Variants in DNAH11 observed in about 807,000 individuals in gnomAD.
DNAH11 encodes the protein dynein axonemal heavy chain 11.
A neutral mutation model predicts 526.0 loss-of-function variants in DNAH11; 442 were observed. The observed-to-expected ratio is 0.84, with a 90% CI of 0.78 to 0.91. The LOEUF (loss-of-function observed/expected upper bound fraction) is 0.91. DNAH11 is among the 40% of genes least tolerant of loss of function. DNAH11 has a pLI of 0.00. For missense variants in DNAH11, 6,989 were observed against 5,448.7 expected (o/e 1.28, Z -8.90); for synonymous variants, 2,461 against 1,935.9 (o/e 1.27, Z -7.12).
chr7:21,869,743 A>T (rs923607956), intron 73 of DNAH11, among the ~76,000 whole-genome samples: 1 of 152,192 alleles, frequency 6.6e-6, no homozygotes, highest in African/African-American at 2.4e-5. Flanking sequence ...CTCTGCCCCT[A>T]CCTAGTGTGT....
At chr7:21,594,885 A>G (rs1784810975) in intron 14 of DNAH11, among the ~76,000 whole-genome samples, 1 of 152,108 alleles carries the variant, frequency 6.6e-6, no homozygotes, top group Admixed American at 6.5e-5. Flanking sequence ...TATGTGAAAG[A>G]CACTGCAGAA....
rs761814074 is a variant in DNAH11, at chr7:21,600,894, C to T, written c.3219C>T (p.Pro1073=). ...EMDAHANEEI[P]EQPPTLEQFK... is the part of the protein sequence containing the mutation. ...ATGCTCATGCAAATGAAGAAATTCCCGAACAACCACCAACTCTTGAGCAAT... is the reference window on the plus strand; with the variant it reads ...ATGCTCATGCAAATGAAGAAATTCCTGAACAACCACCAACTCTTGAGCAAT... The change falls in exon 16 of 82, where the codon CCC becomes CCT. Residue 1073 remains proline (P), a synonymous_variant. Transcript: ENST00000409508. 11 of 1,613,708 alleles carry T rather than the reference C, an allele frequency of 6.8e-6. No individual in the cohort carries two copies. Among genetic ancestry groups the T allele is most frequent in the South Asian group, 3.3e-5 (3 of 91,056 alleles).
chr7:21,717,915 G>A lies in DNAH11; in HGVS notation c.7124G>A (p.Ser2375Asn), dbSNP rs1784726076. 1 of 1,612,592 alleles carries A rather than the reference G, an allele frequency of 6.2e-7. No individual in the cohort carries two copies. The highest frequency in any genetic ancestry group is 8.5e-7 in the Non-Finnish European group (1 of 1,178,982). The change falls in exon 43 of 82, where the codon AGC (serine) becomes AAC (asparagine). Residue 2375 changes from serine to asparagine, a missense_variant. Coordinates refer to ENST00000409508, the MANE Select transcript of DNAH11 (RefSeq NM_001277115.2). ...FKTITSIPES[S>N]LVQTLCVLLE... ...ACCATCACTTCAATTCCTGAGAGTA[G>A]CCTGGTGCAGGTTTGTCTTCGGTTA...
At chr7:21,847,612 A>G (rs1003775386) in intron 66 of DNAH11, among the ~76,000 whole-genome samples, 1 of 152,198 alleles carries the variant, frequency 6.6e-6, no homozygotes, top group Admixed American at 6.5e-5. Context: ...CAAATGTTCC[A>G]TGTGAGCTTG....
intron 74 of DNAH11, among the ~76,000 whole-genome samples, chr7:21,873,748 A>G (rs1465243457): frequency 2.1e-5 from 3 of 142,984 alleles, no homozygotes; most frequent in African/African-American, 7.7e-5. Context: ...GCTACTGTGT[A>G]GGGAAAGCTA....
chr7:21,850,543 G>C (rs201412836), intron 66 of DNAH11, among the ~76,000 whole-genome samples: 14,673 of 145,942 alleles, frequency 0.1, 2,091 homozygotes, highest in African/African-American at 0.31. Context: ...TTAACTCCCA[G>C]TTTGATAATT....
intron 9 of DNAH11, among the ~76,000 whole-genome samples, chr7:21,584,076 G>A (rs1048878092): frequency 6.6e-6 from 1 of 152,138 alleles, no homozygotes; most frequent in African/African-American, 2.4e-5. Flanking sequence ...TACCATTACT[G>A]GGTATATACC....
intron 20 of DNAH11, among the ~76,000 whole-genome samples, chr7:21,611,226 A>G (rs1234580891): frequency 2.0e-5 from 3 of 152,160 alleles, no homozygotes; most frequent in Non-Finnish European, 4.4e-5. Flanking sequence ...CTTGGACATC[A>G]GAATTCCAGT....
intron 61 of DNAH11, among the ~76,000 whole-genome samples, chr7:21,794,919 T>C (rs1412090276): frequency 1.3e-5 from 2 of 152,292 alleles, no homozygotes; most frequent in Non-Finnish European, 2.9e-5. Flanking sequence ...GTGCAGTACC[T>C]GAGTAGATTT....
At chr7:21,551,029 A>G (rs1562654152) in intron 2 of DNAH11, among the ~76,000 whole-genome samples, 1 of 152,164 alleles carries the variant, frequency 6.6e-6, no homozygotes, top group East Asian at 1.9e-4. Flanking sequence ...AAATCCCTAT[A>G]CACACCCATA....
Position 21,900,847 on chromosome 7 carries a change from T to C in DNAH11, c.13304-160T>C, listed in dbSNP as rs62445900. 0.15 allele frequency: 180,884 copies of C among 1,246,958 alleles called. 14,612 individuals are homozygous for C. The highest frequency in any genetic ancestry group is 0.33 in the East Asian group (13,421 of 40,288). The allele number at this position is 1,246,958 out of a possible 1,614,324, so 77.2% of individuals were successfully genotyped here. A position where few individuals can be genotyped will look rare whatever the true frequency, so the allele number is the denominator to read the frequency against. ...TCCGCTGCAGGCAGGGTAACCTACC[T>C]TTCAAAGCTCAGTCCGGCCAGCTCA... On this transcript the variant is annotated intron_variant, in intron 81 of 81. Coordinates refer to ENST00000409508, the MANE Select transcript of DNAH11 (RefSeq NM_001277115.2).
intron 24 of DNAH11, among the ~76,000 whole-genome samples, chr7:21,619,575 ATAAT>A (rs1374932034): frequency 6.6e-6 from 1 of 152,228 alleles, no homozygotes; most frequent in Non-Finnish European, 1.5e-5. Context: ...GTATAAAGAG[ATAAT>A]TAACTTACCC....
intron 76 of DNAH11, among the ~76,000 whole-genome samples, chr7:21,891,803 T>C (rs1387674595): frequency 6.6e-6 from 1 of 152,120 alleles, no homozygotes; most frequent in Non-Finnish European, 1.5e-5. Flanking sequence ...CCTGGGAAGG[T>C]AGGATCGGTC....
At chr7:21,546,937 CAG>C (rs1216879303) in intron 2 of DNAH11, among the ~76,000 whole-genome samples, 1 of 152,144 alleles carries the variant, frequency 6.6e-6, no homozygotes, top group Non-Finnish European at 1.5e-5. Flanking sequence ...AAAAGAGAAA[CAG>C]AAGGTAAGTA....
intron 35 of DNAH11, among the ~76,000 whole-genome samples, chr7:21,696,879 A>C (rs1302024170): frequency 6.6e-6 from 1 of 152,214 alleles, no homozygotes; most frequent in East Asian, 1.9e-4. Context: ...TATGGTATGA[A>C]GTGCTCAGTA....
At chr7:21,690,979 C>T (rs1196586364) in intron 35 of DNAH11, 98 bp downstream of exon 35, 6 of 857,924 alleles carry the variant, frequency 7.0e-6, no homozygotes, top group Non-Finnish European at 1.1e-5. Flanking sequence ...TTGAAAATTC[C>T]TAAGGAAAAT....
At chr7:21,817,092 C>T (rs954177257) in intron 64 of DNAH11, among the ~76,000 whole-genome samples, 13 of 152,172 alleles carry the variant, frequency 8.5e-5, no homozygotes, top group East Asian at 1.9e-4. Flanking sequence ...ATCTATACTC[C>T]GCCTATAGAA....
intron 54 of DNAH11, among the ~76,000 whole-genome samples, chr7:21,752,155 A>G (rs1319576318): frequency 1.3e-5 from 2 of 152,268 alleles, no homozygotes; most frequent in Non-Finnish European, 2.9e-5. Context: ...ATTGTTATAA[A>G]TAGTGCTAGA....
At chr7:21,650,341 A>G (rs1787569829) in intron 28 of DNAH11, among the ~76,000 whole-genome samples, 1 of 152,184 alleles carries the variant, frequency 6.6e-6, no homozygotes, top group Non-Finnish European at 1.5e-5. Context: ...TGACAAATAT[A>G]GAAATACATT....
Sources: gnomAD v4.1 joint callset for allele counts (sites outside exome capture counted in the v4.1 genomes callset) on GRCh38, gnomAD v4.1.1 for gene constraint, MANE v1.5 for transcripts, NCBI Gene and HGNC (gene_info 2026-07-23, HGNC 2026-07-21) for gene names.